Variants in PCLAF observed in about 807,000 individuals in gnomAD.
The protein encoded by PCLAF is PCNA-associated factor.
PCLAF carries 12 observed loss-of-function variants against 15.1 expected under a neutral mutation model. That is an observed-to-expected ratio of 0.79 (90% CI 0.51 to 1.29). PCLAF has a LOEUF of 1.29. PCLAF is among the 50% of genes most tolerant of loss of function. The pLI is 0.00. For missense variants in PCLAF, 116 were observed against 130.9 expected, an observed-to-expected ratio of 0.89 and a Z score of 0.56; for synonymous variants, 33 against 47.1, an observed-to-expected ratio of 0.70 and a Z score of 1.22.
At chr15:64,373,863 G>T in intron 3 of PCLAF, 1 of 1,195,772 alleles carries the variant, frequency 8.4e-7, no homozygotes, top group Non-Finnish European at 1.1e-6. Context: ...CAAGTACTTT[G>T]TTTCGAAACA....
intron 3 of PCLAF, among the ~76,000 whole-genome samples, chr15:64,369,107 A>T (rs1899171854): frequency 6.6e-6 from 1 of 152,152 alleles, no homozygotes; most frequent in Non-Finnish European, 1.5e-5. Context: ...GAGGCCCGTA[A>T]TCCCAACACT....
upstream of PCLAF, among the ~76,000 whole-genome samples, chr15:64,382,049 T>A (rs1268785433): frequency 1.3e-5 from 2 of 152,116 alleles, no homozygotes; most frequent in African/African-American, 2.4e-5. Flanking sequence ...AAAAAGAAAC[T>A]AATAAAACGT....
intron 1 of PCLAF, among the ~76,000 whole-genome samples, chr15:64,386,969 T>A (rs574645179): frequency 6.6e-6 from 1 of 152,212 alleles, no homozygotes. Flanking sequence ...GGTAGGGAAT[T>A]GCAGACAGCC....
intron 3 of PCLAF, chr15:64,373,868 G>A (rs906537956): frequency 3.4e-5 from 38 of 1,132,566 alleles, no homozygotes; most frequent in African/African-American, 1.1e-4. Context: ...ACTTTGTTTC[G>A]AAACAAAACA....
At chr15:64,381,294 C>T (rs1899810247) in intron 1 of PCLAF, 32 bp downstream of exon 1, 6 of 1,611,352 alleles carry the variant, frequency 3.7e-6, no homozygotes, top group Non-Finnish European at 5.1e-6. Context: ...GAGGACCCCC[C>T]CGCCCTCCAG....
intron 3 of PCLAF, among the ~76,000 whole-genome samples, chr15:64,366,756 T>C (rs1399361783): frequency 6.6e-6 from 1 of 152,086 alleles, no homozygotes; most frequent in Non-Finnish European, 1.5e-5. Flanking sequence ...GTGGAACATT[T>C]GAGGTCAGGA....
chr15:64,387,485 A>G (rs1198385941), exon 1 of PCLAF: 1 of 1,283,942 alleles, frequency 7.8e-7, no homozygotes, highest in Non-Finnish European at 1.0e-6. Context: ...TTTATTTTAC[A>G]TAAAACCATG....
upstream of PCLAF, among the ~76,000 whole-genome samples, chr15:64,384,594 T>C (rs1596329708): frequency 2.0e-5 from 3 of 151,574 alleles, no homozygotes; most frequent in Admixed American, 2.0e-4. Context: ...ATACAAAAAC[T>C]AGCCAGGCAT....
At chr15:64,371,541 C>A (rs1263106265) in intron 3 of PCLAF, among the ~76,000 whole-genome samples, 2 of 152,204 alleles carry the variant, frequency 1.3e-5, no homozygotes, top group Admixed American at 1.3e-4. Flanking sequence ...ACTGGGAGTA[C>A]AGGCATGAGC....
chr15:64,381,271 G>A, intron 1 of PCLAF, 55 bp downstream of exon 1: 6 of 1,599,346 alleles, frequency 3.8e-6, no homozygotes, highest in Non-Finnish European at 5.1e-6. Context: ...GTCGCCCGTG[G>A]CCAGGCTGCC....
intron 3 of PCLAF, chr15:64,373,652 G>A (rs1899452092): frequency 7.8e-6 from 12 of 1,530,472 alleles, no homozygotes; most frequent in East Asian, 2.5e-5. Context: ...TAGGAGCAGC[G>A]CCAGAAGTAG....
chr15:64,381,279 G>A (rs770123662), intron 1 of PCLAF, 47 bp downstream of exon 1: 3 of 1,603,106 alleles, frequency 1.9e-6, no homozygotes, highest in South Asian at 1.1e-5. Context: ...TGGCCAGGCT[G>A]CCGGGAGGAC....
chr15:64,372,167 G>A (rs530875239), intron 3 of PCLAF, among the ~76,000 whole-genome samples: 3 of 152,280 alleles, frequency 2.0e-5, no homozygotes, highest in East Asian at 1.9e-4. Flanking sequence ...GTTAAGTATC[G>A]TAACTAAATC....
Position 64,387,391 on chromosome 15 carries a change from A to T in PCLAF, n.241+56T>A, listed in dbSNP as rs189479554. ...TGCGAGACTCCGTCTCAAAATAAAT[A>T]AATAAATTAATTAATTAATTAAAAA... On this transcript the variant is annotated intron_variant and non_coding_transcript_variant, in intron 1 of 1. Coordinates refer to the PCLAF transcript ENST00000558250. 8.7e-3 allele frequency: 8,809 copies of T among 1,007,498 alleles called. 76 individuals carry two copies. Among genetic ancestry groups the T allele is most frequent in the Middle Eastern group, 0.013 (34 of 2,624 alleles). The allele number at this position is 1,007,498 out of a possible 1,614,324, so 62.4% of individuals were successfully genotyped here.
intron 3 of PCLAF, among the ~76,000 whole-genome samples, chr15:64,369,265 G>T (rs570132463): frequency 1.3e-5 from 2 of 150,180 alleles, no homozygotes; most frequent in African/African-American, 4.9e-5. Flanking sequence ...GGAGGCTGAA[G>T]TGGGAAAATT....
intron 1 of PCLAF, among the ~76,000 whole-genome samples, chr15:64,386,747 T>G (rs150743196): frequency 1.7e-3 from 257 of 152,102 alleles, no homozygotes; most frequent in Non-Finnish European, 2.8e-3. Context: ...GCCAATACAC[T>G]CATGATTTTA....
At chr15:64,378,927 A>G (rs1712897600) in intron 2 of PCLAF, among the ~76,000 whole-genome samples, 1 of 150,952 alleles carries the variant, frequency 6.6e-6, no homozygotes, top group Admixed American at 6.6e-5. Flanking sequence ...AAAAAAAAAT[A>G]TAGCAGCAAC....
rs1899175274 is a variant in PCLAF, at chr15:64,369,186, G to T, written c.291-3111C>A. On this transcript the variant is annotated intron_variant, in intron 3 of 3. Coordinates refer to ENST00000300035, the MANE Select transcript of PCLAF (RefSeq NM_014736.6). The stretch of plus-strand genomic sequence containing the variant: ...AGACCAGCCTAGGCAACATAGCAAG[G>T]CCTGGTCTCTACTAAAAATTTAAAA... Among the ~76,000 whole-genome samples the T allele has an allele frequency of 2.0e-5, 3 of 151,768 alleles. No individual in the cohort carries two copies. In the Admixed American group the frequency reaches 2.0e-4, roughly 10 times the overall value.
At chr15:64,368,161 A>G (rs57495560) in intron 3 of PCLAF, among the ~76,000 whole-genome samples, 1 of 151,856 alleles carries the variant, frequency 6.6e-6, no homozygotes, top group East Asian at 1.9e-4. Flanking sequence ...AGCCAACATA[A>G]TGAAACCCTG....
Sources: allele counts gnomAD v4.1 joint callset (sites outside exome capture counted in the v4.1 genomes callset), GRCh38; gene constraint gnomAD v4.1.1; transcripts MANE v1.5; gene names NCBI Gene and HGNC (gene_info 2026-07-23, HGNC 2026-07-21).